The following EFHC2 variants were observed in gnomAD, a reference collection of about 807,000 sequenced individuals.
The protein encoded by EFHC2 is EF-hand domain-containing family member C2.
A neutral mutation model predicts 52.7 loss-of-function variants in EFHC2; 18 were observed. That is an observed-to-expected ratio of 0.34 (90% CI 0.24 to 0.51). The LOEUF (loss-of-function observed/expected upper bound fraction) is 0.51, where lower values mean the gene tolerates loss of function less well. Ranked by LOEUF, EFHC2 falls within the 20% of genes least tolerant of loss-of-function variation. EFHC2 has a pLI of 0.97. For synonymous variants in EFHC2, 203 were observed against 204.1 expected (o/e 0.99, Z 0.04); for missense variants, 513 against 562.5 (o/e 0.91, Z 0.89).
At chrX:44,276,225 C>T (rs1024357729) in intron 2 of EFHC2, among the ~76,000 whole-genome samples, 2 of 111,356 alleles carry the variant, frequency 1.8e-5, no homozygotes, top group African/African-American at 6.5e-5. Context: ...GAGTTCTAGA[C>T]CAGCCTGGGT....
At chrX:44,201,141 T>C (rs1324221382) in intron 11 of EFHC2, among the ~76,000 whole-genome samples, 3 of 111,516 alleles carry the variant, frequency 2.7e-5, no homozygotes, top group African/African-American at 9.7e-5. Context: ...CATACACATA[T>C]GGAAATGTCA....
chrX:44,257,345 C>T (rs911643697), intron 4 of EFHC2, among the ~76,000 whole-genome samples: 6 of 111,622 alleles, frequency 5.4e-5, no homozygotes, highest in African/African-American at 2.0e-4. Flanking sequence ...GAGAGGAAGT[C>T]AAATTGTCTC....
chrX:44,159,703 G>A (rs901748473), intron 14 of EFHC2, among the ~76,000 whole-genome samples: 4 of 112,436 alleles, frequency 3.6e-5, no homozygotes, highest in South Asian at 3.7e-4. Context: ...ATTTCTCACC[G>A]TAAATGAATC....
At chrX:44,275,291 A>G (rs1481399706) in intron 2 of EFHC2, among the ~76,000 whole-genome samples, 1 of 111,763 alleles carries the variant, frequency 8.9e-6, no homozygotes, top group Non-Finnish European at 1.9e-5. Flanking sequence ...CTGATATTTC[A>G]TAGTCTGCTC....
At chrX:44,309,233 T>C (rs1489624304) in intron 2 of EFHC2, 1 of 452,600 alleles carries the variant, frequency 2.2e-6, no homozygotes, top group African/African-American at 2.5e-5. Flanking sequence ...ATTCATGGTG[T>C]GGCTAGTTGA....
chrX:44,320,473 G>A (rs1180557034), intron 1 of EFHC2, among the ~76,000 whole-genome samples: 3 of 111,341 alleles, frequency 2.7e-5, no homozygotes, highest in Non-Finnish European at 5.7e-5. Flanking sequence ...GTGAAGTGGT[G>A]GGATAAAGCC....
At chrX:44,256,987 G>C (rs1017750846) in intron 4 of EFHC2, among the ~76,000 whole-genome samples, 1 of 110,712 alleles carries the variant, frequency 9.0e-6, no homozygotes, top group African/African-American at 3.3e-5. Context: ...TGCAAGGCTG[G>C]TTCAACATAT....
At chrX:44,339,198 A>AAAAAAAAAG (rs1423771246) in intron 1 of EFHC2, among the ~76,000 whole-genome samples, 7 of 111,010 alleles carry the variant, frequency 6.3e-5, no homozygotes, top group Non-Finnish European at 1.1e-4. Context: ...CTCCAAAAAA[A>AAAAAAAAAG]AAAAGCAGAA....
intron 2 of EFHC2, among the ~76,000 whole-genome samples, chrX:44,308,440 CTCT>C (rs775037627): frequency 9.1e-6 from 1 of 109,817 alleles, no homozygotes; most frequent in Non-Finnish European, 1.9e-5. Context: ...GAAAAAAAAA[CTCT>C]TCAATAGTTT....
At chrX:44,223,514 T>TC (rs2037209669) in intron 11 of EFHC2, among the ~76,000 whole-genome samples, 1 of 110,593 alleles carries the variant, frequency 9.0e-6, no homozygotes, top group African/African-American at 3.3e-5. Context: ...CCTTTTTTTT[T>TC]TGCTTAACTA....
At chrX:44,223,986 T>C (rs1253060142) in intron 11 of EFHC2, among the ~76,000 whole-genome samples, 2 of 111,972 alleles carry the variant, frequency 1.8e-5, no homozygotes, top group African/African-American at 6.5e-5. Context: ...GATGAGATCA[T>C]TACCATGTTC....
In EFHC2 at chrX:44,177,914, G is replaced by T. The variant is rs182636125; in HGVS notation, c.1949+453C>A. On this transcript the variant is annotated intron_variant, in intron 12 of 14. Coordinates refer to ENST00000420999, the MANE Select transcript of EFHC2 (RefSeq NM_025184.4). ...AAAGATACAGGGCCTCCCCTATTCC[G>T]TCAACAAGACTAGCCTGGCCAACAT... Among the ~76,000 whole-genome samples the T allele has an allele frequency of 5.3e-3, 573 of 108,350 alleles. 6 individuals are homozygous for T. Among genetic ancestry groups the T allele is most frequent in the African/African-American group, 0.019 (554 of 29,669 alleles). The allele number at this position is 108,350 out of a possible 115,157, so 94.1% of individuals were successfully genotyped here.
intron 12 of EFHC2, among the ~76,000 whole-genome samples, chrX:44,177,965 T>C (rs951695215): frequency 2.0e-5 from 2 of 98,774 alleles, no homozygotes; most frequent in Non-Finnish European, 4.1e-5. Flanking sequence ...CTACTAAAAA[T>C]ACAAAAAAAA....
chrX:44,239,465 G>A (rs930131970), intron 8 of EFHC2, among the ~76,000 whole-genome samples: 22 of 112,151 alleles, frequency 2.0e-4, no homozygotes, highest in African/African-American at 7.1e-4. Flanking sequence ...TCTAAAAGGA[G>A]CCCACAAATT....
intron 14 of EFHC2, among the ~76,000 whole-genome samples, chrX:44,161,545 CCTG>C (rs1342938759): frequency 3.6e-5 from 4 of 111,648 alleles, no homozygotes; most frequent in Non-Finnish European, 5.6e-5. Flanking sequence ...CCTCTACTCT[CCTG>C]CTGGTGCATC....
At position 44,186,652 on chromosome X, in the gene EFHC2, T is replaced by C. The variant is rs187344016; in HGVS notation, c.1752-8088A>G. 1.5e-4 allele frequency among the ~76,000 whole-genome samples: 17 copies of C among 111,305 alleles called. 1 individual carries two copies. In the East Asian group the frequency reaches 4.8e-3, roughly 32 times the overall value. On this transcript the variant is annotated intron_variant, in intron 11 of 14. Transcript: ENST00000420999. ...TCAGGGGGCCTTACATGATGAAGGG[T>C]GCCTCCAAATAAACCCACAGGTACT...
At chrX:44,238,334 C>T (rs1206193932) in intron 8 of EFHC2, among the ~76,000 whole-genome samples, 1 of 111,462 alleles carries the variant, frequency 9.0e-6, no homozygotes, top group Non-Finnish European at 1.9e-5. Flanking sequence ...ATCTGAGCCA[C>T]CAAAACTTTT....
At chrX:44,307,674 C>T (rs1445456609) in intron 2 of EFHC2, among the ~76,000 whole-genome samples, 1 of 111,703 alleles carries the variant, frequency 9.0e-6, no homozygotes, top group Non-Finnish European at 1.9e-5. Flanking sequence ...TTTATCATGC[C>T]TGTAATCCCA....
intron 2 of EFHC2, among the ~76,000 whole-genome samples, chrX:44,308,907 A>T (rs1002296229): frequency 3.3e-4 from 37 of 112,696 alleles, no homozygotes; most frequent in African/African-American, 1.2e-3. Context: ...TGTGAGTACA[A>T]ACAATGTTTA....
Sources: gnomAD v4.1 joint callset for allele counts (sites outside exome capture counted in the v4.1 genomes callset) on GRCh38, gnomAD v4.1.1 for gene constraint, MANE v1.5 for transcripts, NCBI Gene and HGNC (gene_info 2026-07-23, HGNC 2026-07-21) for gene names.